CHRNA7: variants seen among roughly 807,000 people sequenced by gnomAD.
CHRNA7 encodes the protein neuronal acetylcholine receptor subunit alpha-7.
Under a neutral mutation model 48.0 loss-of-function variants are expected in CHRNA7, and 17 were observed. That is an observed-to-expected ratio of 0.35 (90% CI 0.24 to 0.53). The LOEUF (loss-of-function observed/expected upper bound fraction) is 0.53. CHRNA7 is among the 20% of genes least tolerant of loss of function. The probability of loss-of-function intolerance (pLI) is 0.92; values close to 1 mark genes in which losing one functional copy is unlikely to be tolerated. For synonymous variants in CHRNA7, 75 were observed against 242.3 expected, an observed-to-expected ratio of 0.31 and a Z score of 6.41; for missense variants, 155 against 577.7, an observed-to-expected ratio of 0.27 and a Z score of 7.50.
At chr15:32,032,842 C>G (rs932939654) in intron 2 of CHRNA7, among the ~76,000 whole-genome samples, 1 of 152,138 alleles carries the variant, frequency 6.6e-6, no homozygotes, top group South Asian at 2.1e-4. Context: ...AGAGACCACT[C>G]GCGGAGAAGC....
chr15:32,077,079 A>G (rs1006211724), intron 2 of CHRNA7, among the ~76,000 whole-genome samples: 4 of 151,904 alleles, frequency 2.6e-5, no homozygotes, highest in Non-Finnish European at 5.9e-5. Flanking sequence ...GACTTCTTTC[A>G]CATAGTAATA....
chr15:32,035,889 A>G (rs1595369538), intron 2 of CHRNA7, among the ~76,000 whole-genome samples: 1 of 152,330 alleles, frequency 6.6e-6, no homozygotes, highest in African/African-American at 2.4e-5. Flanking sequence ...CTAGAGTAGT[A>G]TATTTGTTAC....
chr15:32,046,721 G>A (rs915848510), intron 2 of CHRNA7, among the ~76,000 whole-genome samples: 6 of 152,004 alleles, frequency 3.9e-5, no homozygotes, highest in African/African-American at 1.5e-4. Context: ...TGCTTTTGGT[G>A]TTTTAGACAT....
At position 32,031,014 on chromosome 15, in the gene CHRNA7, A is replaced by C; in HGVS notation, c.172A>C (p.Ser58Arg). The C allele has an allele frequency of 6.2e-7, 1 of 1,614,146 alleles. No individual in the cohort carries two copies. Among genetic ancestry groups the C allele is most frequent in the Non-Finnish European group, 8.5e-7 (1 of 1,180,010 alleles). ...ACCACTCACCGTCTACTTCTCCCTGAGCCTCCTGCAGATCATGGACGTGGT... is the reference window on the plus strand; with the variant it reads ...ACCACTCACCGTCTACTTCTCCCTGCGCCTCCTGCAGATCATGGACGTGGT... ...SQPLTVYFSL[S>R]LLQIMDVDEK... The change falls in exon 2 of 10, where the codon AGC (serine) becomes CGC (arginine). Residue 58 changes from serine (S) to arginine (R), a missense_variant. Coordinates refer to ENST00000306901, the MANE Select transcript of CHRNA7 (RefSeq NM_000746.6).
chr15:32,092,368 T>C (rs2050397777), intron 2 of CHRNA7, among the ~76,000 whole-genome samples: 1 of 152,242 alleles, frequency 6.6e-6, no homozygotes, highest in South Asian at 2.1e-4. Flanking sequence ...AAAGAACTCA[T>C]GAGAAGCATG....
chr15:32,109,677 C>T (rs776080442), intron 3 of CHRNA7, among the ~76,000 whole-genome samples: 10 of 152,200 alleles, frequency 6.6e-5, no homozygotes, highest in Non-Finnish European at 1.0e-4. Flanking sequence ...GACCCAGTGA[C>T]TGACTAAAAC....
At chr15:32,055,933 C>T (rs1231304199) in intron 2 of CHRNA7, among the ~76,000 whole-genome samples, 3 of 151,824 alleles carry the variant, frequency 2.0e-5, no homozygotes, top group African/African-American at 7.3e-5. Context: ...GAGCTGAGAT[C>T]ATGCCGCTGC....
At chr15:32,083,882 G>A (rs571309123) in intron 2 of CHRNA7, among the ~76,000 whole-genome samples, 1 of 152,268 alleles carries the variant, frequency 6.6e-6, no homozygotes, top group East Asian at 1.9e-4. Context: ...CCTCATGTCA[G>A]GAGTCACTTC....
At position 32,052,213 on chromosome 15, in the gene CHRNA7, T is replaced by C. The variant is rs1267140704; in HGVS notation, c.195+21176T>C. On this transcript the variant is annotated intron_variant, in intron 2 of 9. Transcript: ENST00000306901. ...TTAAGCATGATTTTTTTTTTTTTTTTTCCCCAAGCTCTTCTAATTGTTCTC... is the reference window on the plus strand; with the variant it reads ...TTAAGCATGATTTTTTTTTTTTTTTCTCCCCAAGCTCTTCTAATTGTTCTC... Among the ~76,000 whole-genome samples, 17 of 125,700 alleles carry C rather than the reference T, an allele frequency of 1.4e-4. No homozygotes were observed. In the South Asian group the frequency reaches 4.5e-3, roughly 34 times the overall value. The allele number at this position is 125,700 out of a possible 152,430, so 82.5% of individuals were successfully genotyped here.
intron 3 of CHRNA7, among the ~76,000 whole-genome samples, chr15:32,106,253 C>G (rs1276639366): frequency 6.6e-6 from 1 of 152,190 alleles, no homozygotes; most frequent in Non-Finnish European, 1.5e-5. Flanking sequence ...ATGGGTTTTT[C>G]TCCTCCCGAG....
At chr15:32,114,026 ATATATATATATATATATG>A (rs1174590967) in intron 4 of CHRNA7, among the ~76,000 whole-genome samples, 2 of 88,762 alleles carry the variant, frequency 2.3e-5, no homozygotes, top group African/African-American at 9.4e-5. Flanking sequence ...CCAAATATAT[ATATATATATATATATATG>A]TATATATATA....
chr15:32,043,500 A>G (rs2141173859), intron 2 of CHRNA7, among the ~76,000 whole-genome samples: 1 of 150,826 alleles, frequency 6.6e-6, no homozygotes, highest in East Asian at 1.9e-4. Context: ...TTTCTCTTCT[A>G]TTAGTTTGTT....
At position 32,134,436 on chromosome 15, in the gene CHRNA7, G is replaced by A. The variant is rs73369051; in HGVS notation, c.351-19471G>A. Among the ~76,000 whole-genome samples, 595 of 152,238 alleles carry A rather than the reference G, an allele frequency of 3.9e-3. 4 individuals carry two copies. Among genetic ancestry groups the A allele is most frequent in the African/African-American group, 0.013 (556 of 41,522 alleles). On this transcript the variant is annotated intron_variant, in intron 4 of 9. Coordinates refer to ENST00000306901, the MANE Select transcript of CHRNA7 (RefSeq NM_000746.6). ...GGCCTCCCAAACTCCTGGGATTCAG[G>A]CGTGAGCCACCACACCTGGCCTGCA...
At chr15:32,094,654 CTTTTTCTTTTTCT>C (rs1179715675) in intron 2 of CHRNA7, among the ~76,000 whole-genome samples, 4 of 91,964 alleles carry the variant, frequency 4.3e-5, no homozygotes, top group Non-Finnish European at 8.6e-5. Context: ...AGGCACTTTT[CTTTTTCTTTTTCT>C]TTTTTTTTTT....
chr15:32,148,338 G>A (rs2051536194), intron 4 of CHRNA7, among the ~76,000 whole-genome samples: 3 of 152,100 alleles, frequency 2.0e-5, no homozygotes, highest in Admixed American at 2.0e-4. Flanking sequence ...AAGGTTATAA[G>A]AGCCGGGCTT....
In CHRNA7 at chr15:32,059,868, C is replaced by T. The variant is rs534699230; in HGVS notation, c.195+28831C>T. 2.3e-4 allele frequency among the ~76,000 whole-genome samples: 29 copies of T among 127,150 alleles called. No homozygotes were observed. In the South Asian group the frequency reaches 7.0e-3, roughly 31 times the overall value. The allele number at this position is 127,150 out of a possible 152,430, so 83.4% of individuals were successfully genotyped here. On this transcript the variant is annotated intron_variant, in intron 2 of 9. Coordinates refer to ENST00000306901, the MANE Select transcript of CHRNA7 (RefSeq NM_000746.6). ...GAAAAAAAGGCTATTTAGGACATTA[C>T]AGAGGGCTATAACGCCCAAGCTCCG...
chr15:32,123,978 A>C (rs574164284), intron 4 of CHRNA7, among the ~76,000 whole-genome samples: 2 of 151,664 alleles, frequency 1.3e-5, no homozygotes, highest in Non-Finnish European at 2.9e-5. Context: ...AAAAAAAAAA[A>C]AAAACAGCCT....
At chr15:32,030,759 G>A (rs1177006405) in intron 1 of CHRNA7, 110 bp downstream of exon 1, 1 of 1,512,198 alleles carries the variant, frequency 6.6e-7, no homozygotes, top group African/African-American at 1.4e-5. Flanking sequence ...CCCGCCGCCG[G>A]GGAGGGGCAG....
At chr15:32,151,535 A>G (rs1417590245) in intron 4 of CHRNA7, among the ~76,000 whole-genome samples, 3 of 148,928 alleles carry the variant, frequency 2.0e-5, no homozygotes, top group African/African-American at 7.5e-5. Context: ...TTTCCCTCCC[A>G]CTCTCCCTGA....
Sources: allele counts gnomAD v4.1 joint callset (sites outside exome capture counted in the v4.1 genomes callset), GRCh38; gene constraint gnomAD v4.1.1; transcripts MANE v1.5; gene names NCBI Gene and HGNC (gene_info 2026-07-23, HGNC 2026-07-21).